TAFA5: variants seen among roughly 807,000 people sequenced by gnomAD.
TAFA5 encodes chemokine-like protein TAFA-5.
A neutral mutation model predicts 15.3 loss-of-function variants in TAFA5; 6 were observed. The ratio of observed to expected loss-of-function variants is 0.39; its 90% CI spans 0.21 to 0.77. The LOEUF is 0.77. Ranked by LOEUF, TAFA5 falls within the 30% of genes least tolerant of loss-of-function variation. TAFA5 has a pLI of 0.41. For synonymous variants in TAFA5, 103 were observed against 80.7 expected, an observed-to-expected ratio of 1.28 and a Z score of -1.48; for missense variants, 161 against 193.1, an observed-to-expected ratio of 0.83 and a Z score of 0.98.
chr22:48,732,872 C>T (rs150950865), intron 3 of TAFA5, among the ~76,000 whole-genome samples: 73 of 152,266 alleles, frequency 4.8e-4, no homozygotes, highest in African/African-American at 1.7e-3. Context: ...ATCAGCATCG[C>T]GGCAAGACCC....
chr22:48,509,162 A>G (rs968737465), intron 1 of TAFA5, among the ~76,000 whole-genome samples: 3 of 152,212 alleles, frequency 2.0e-5, no homozygotes, highest in African/African-American at 4.8e-5. Flanking sequence ...TTACGGCTGA[A>G]TACTACTCCA....
intron 3 of TAFA5, among the ~76,000 whole-genome samples, chr22:48,713,051 T>G (rs546116412): frequency 6.6e-6 from 1 of 152,372 alleles, no homozygotes; most frequent in African/African-American, 2.4e-5. Context: ...TACTTGTCAG[T>G]GAGCTGTGCC....
At chr22:48,576,049 C>CG (rs998192329) in intron 1 of TAFA5, among the ~76,000 whole-genome samples, 4 of 115,434 alleles carry the variant, frequency 3.5e-5, no homozygotes, top group African/African-American at 7.1e-5. Flanking sequence ...ACCCCCCCCC[C>CG]CCCCGCGCCG....
At chr22:48,629,423 C>T (rs1363723997) in intron 1 of TAFA5, among the ~76,000 whole-genome samples, 1 of 152,242 alleles carries the variant, frequency 6.6e-6, no homozygotes, top group Admixed American at 6.5e-5. Context: ...CTCCAGGCCC[C>T]CCTCCGGATG....
intron 1 of TAFA5, among the ~76,000 whole-genome samples, chr22:48,568,615 A>G (rs1409522275): frequency 6.6e-6 from 1 of 152,234 alleles, no homozygotes; most frequent in Non-Finnish European, 1.5e-5. Flanking sequence ...AACCGTGTGC[A>G]GTGTTCTCTG....
At chr22:48,744,965 AG>A (rs1466076653) in intron 3 of TAFA5, among the ~76,000 whole-genome samples, 1 of 152,156 alleles carries the variant, frequency 6.6e-6, no homozygotes, top group Admixed American at 6.5e-5. Context: ...CGTGTTAGTC[AG>A]GATGGTCTCG....
At chr22:48,725,288 C>T (rs979031668) in intron 3 of TAFA5, among the ~76,000 whole-genome samples, 1 of 151,974 alleles carries the variant, frequency 6.6e-6, no homozygotes, top group East Asian at 1.9e-4. Context: ...TGACCTCTGC[C>T]GGTTTAAAAG....
At chr22:48,628,240 C>T (rs1006192253) in intron 1 of TAFA5, among the ~76,000 whole-genome samples, 8 of 152,184 alleles carry the variant, frequency 5.3e-5, no homozygotes, top group East Asian at 1.9e-4. Flanking sequence ...CCAGGCCAGG[C>T]GCGTGGGGAC....
chr22:48,561,719 A>G (rs971666708), intron 1 of TAFA5, among the ~76,000 whole-genome samples: 1 of 152,174 alleles, frequency 6.6e-6, no homozygotes, highest in Non-Finnish European at 1.5e-5. Context: ...GGCACAAACA[A>G]TGCTCCCCCA....
At chr22:48,533,687 C>T (rs1922049664) in intron 1 of TAFA5, among the ~76,000 whole-genome samples, 1 of 152,228 alleles carries the variant, frequency 6.6e-6, no homozygotes, top group Non-Finnish European at 1.5e-5. Context: ...CGAGGCCACC[C>T]TCTGGGCATC....
intron 1 of TAFA5, among the ~76,000 whole-genome samples, chr22:48,526,595 G>A (rs1006591760): frequency 6.6e-6 from 1 of 152,192 alleles, no homozygotes; most frequent in Non-Finnish European, 1.5e-5. Context: ...GAGCTCCTGC[G>A]GGTGCATCCT....
intron 2 of TAFA5, among the ~76,000 whole-genome samples, chr22:48,682,267 C>T (rs939697753): frequency 2.0e-5 from 3 of 152,180 alleles, no homozygotes; most frequent in African/African-American, 7.2e-5. Context: ...AGGGCTTCTC[C>T]AGGTGTCCCC....
intron 1 of TAFA5, among the ~76,000 whole-genome samples, chr22:48,589,809 G>A (rs1339146823): frequency 1.3e-5 from 2 of 151,978 alleles, no homozygotes; most frequent in South Asian, 2.1e-4. Context: ...CCTCCCTGGA[G>A]CTTTTAGAGG....
At chr22:48,621,357 C>G (rs1230736140) in intron 1 of TAFA5, among the ~76,000 whole-genome samples, 1 of 151,794 alleles carries the variant, frequency 6.6e-6, no homozygotes, top group African/African-American at 2.4e-5. Flanking sequence ...ATCATTTCAT[C>G]CACACACCCA....
intron 1 of TAFA5, among the ~76,000 whole-genome samples, chr22:48,503,233 T>C (rs1036815951): frequency 6.6e-6 from 1 of 152,226 alleles, no homozygotes; most frequent in Non-Finnish European, 1.5e-5. Flanking sequence ...TTGCTGCCCC[T>C]GGGAAGGACC....
chr22:48,528,599 G>A (rs1447942347), intron 1 of TAFA5, among the ~76,000 whole-genome samples: 1 of 152,204 alleles, frequency 6.6e-6, no homozygotes, highest in African/African-American at 2.4e-5. Flanking sequence ...CTGTGATGTG[G>A]CCTCGGGGAC....
chr22:48,644,956 C>T (rs555004048), intron 1 of TAFA5, among the ~76,000 whole-genome samples: 26 of 152,352 alleles, frequency 1.7e-4, no homozygotes, highest in African/African-American at 5.5e-4. Context: ...GCCCTGAGTC[C>T]GTGCATCTCT....
chr22:48,607,026 A>G (rs1925217235), intron 1 of TAFA5, among the ~76,000 whole-genome samples: 1 of 152,190 alleles, frequency 6.6e-6, no homozygotes, highest in African/African-American at 2.4e-5. Context: ...ATTCTTGGGG[A>G]CAGATCCAGG....
chr22:48,709,786 GGTGGATAAGCA>G (rs200626282), intron 3 of TAFA5, among the ~76,000 whole-genome samples: 1 of 152,208 alleles, frequency 6.6e-6, no homozygotes, highest in Admixed American at 6.5e-5. Flanking sequence ...GAGAGCTGGC[GGTGGATAAGCA>G]GGTCATCACT....
Sources: gnomAD v4.1 joint callset for allele counts (sites outside exome capture counted in the v4.1 genomes callset) on GRCh38, gnomAD v4.1.1 for gene constraint, MANE v1.5 for transcripts, NCBI Gene and HGNC (gene_info 2026-07-23, HGNC 2026-07-21) for gene names.